Variants in SCN8A observed in about 807,000 individuals in gnomAD.
SCN8A encodes sodium channel protein type 8 subunit alpha.
SCN8A carries 30 observed loss-of-function variants against 184.1 expected under a neutral mutation model. That is an observed-to-expected ratio of 0.16 (90% CI 0.12 to 0.22). The LOEUF is 0.22. Among genes scored for constraint, SCN8A ranks in the 10% least tolerant of loss-of-function variants. SCN8A has a pLI of 1.00. For missense variants in SCN8A, 1,057 were observed against 2,498.9 expected, an observed-to-expected ratio of 0.42 and a Z score of 12.30; for synonymous variants, 852 against 907.0, an observed-to-expected ratio of 0.94 and a Z score of 1.09.
At chr12:51,687,936 G>A (rs1363133371) in intron 5 of SCN8A, among the ~76,000 whole-genome samples, 1 of 152,184 alleles carries the variant, frequency 6.6e-6, no homozygotes, top group African/African-American at 2.4e-5. Context: ...TATAGGTTTT[G>A]CATGTATGCA....
chr12:51,598,916 A>C (rs1029859423), intron 1 of SCN8A, among the ~76,000 whole-genome samples: 1 of 152,196 alleles, frequency 6.6e-6, no homozygotes, highest in Admixed American at 6.5e-5. Flanking sequence ...TAAGAAATAC[A>C]TAATGCCTCT....
intron 1 of SCN8A, among the ~76,000 whole-genome samples, chr12:51,601,547 T>G (rs1361441116): frequency 6.6e-6 from 1 of 152,040 alleles, no homozygotes; most frequent in African/African-American, 2.4e-5. Context: ...TAGAAATTGC[T>G]CAAAAGCTTT....
chr12:51,715,366 T>C lies in SCN8A; in HGVS notation c.1636-6180T>C, dbSNP rs73297682. ...GATGTATTAGATCTCATGTAGTATA[T>C]GATATTTCCTCCTGGCCTCCAAGTT... On this transcript the variant is annotated intron_variant, in intron 11 of 26. Coordinates refer to ENST00000627620, the MANE Select transcript of SCN8A (RefSeq NM_001330260.2). Among the ~76,000 whole-genome samples the C allele has an allele frequency of 6.5e-3, 983 of 152,292 alleles. 12 individuals carry two copies. The highest frequency in any genetic ancestry group is 0.023 in the African/African-American group (944 of 41,548).
Position 51,672,539 on chromosome 12 carries a change from A to G in SCN8A, c.276+9446A>G, listed in dbSNP as rs368581777. On this transcript the variant is annotated intron_variant, in intron 2 of 26. Coordinates refer to ENST00000627620, the MANE Select transcript of SCN8A (RefSeq NM_001330260.2). Reference sequence around the variant, plus strand: ...TCAGTTCTTGGCCCATGTTCCTCTCAGTTGGCACATTCTCCCTGGATGATC... The same window carrying G: ...TCAGTTCTTGGCCCATGTTCCTCTCGGTTGGCACATTCTCCCTGGATGATC... 3.9e-5 allele frequency among the ~76,000 whole-genome samples: 6 copies of G among 152,098 alleles called. No homozygotes were observed. The South Asian group carries it at 6.2e-4, about 16-fold the overall frequency.
At chr12:51,645,337 GT>G (rs1372495437) in intron 1 of SCN8A, among the ~76,000 whole-genome samples, 5 of 149,990 alleles carry the variant, frequency 3.3e-5, no homozygotes, top group East Asian at 2.0e-4. Flanking sequence ...AGGTGGGGGG[GT>G]TCAGCCCCCC....
chr12:51,805,431 AAAAT>A (rs1410972302), intron 26 of SCN8A, among the ~76,000 whole-genome samples: 18 of 152,062 alleles, frequency 1.2e-4, no homozygotes, highest in Admixed American at 2.6e-4. Context: ...CAAAATATTT[AAAAT>A]AAATAAATAA....
At chr12:51,730,460 C>T (rs746080390) in intron 12 of SCN8A, among the ~76,000 whole-genome samples, 3 of 151,662 alleles carry the variant, frequency 2.0e-5, no homozygotes, top group African/African-American at 2.4e-5. Context: ...TAGTATAAGC[C>T]CTAAGAACAA....
chr12:51,742,608 T>C (rs1485275852), intron 12 of SCN8A, among the ~76,000 whole-genome samples: 1 of 151,988 alleles, frequency 6.6e-6, no homozygotes, highest in Non-Finnish European at 1.5e-5. Flanking sequence ...TCTTTTCTCT[T>C]GCTGCTTTTA....
At chr12:51,750,559 A>G (rs1373004682) in intron 13 of SCN8A, among the ~76,000 whole-genome samples, 1 of 152,168 alleles carries the variant, frequency 6.6e-6, no homozygotes, top group African/African-American at 2.4e-5. Flanking sequence ...AAGGGTGGAG[A>G]CAGTAACTTG....
intron 2 of SCN8A, among the ~76,000 whole-genome samples, chr12:51,674,560 C>T (rs1258999025): frequency 6.6e-6 from 1 of 152,100 alleles, no homozygotes; most frequent in Non-Finnish European, 1.5e-5. Context: ...GTCTTGAGCT[C>T]CTGACCTCAG....
At chr12:51,708,923 A>G (rs1345577594) in intron 11 of SCN8A, among the ~76,000 whole-genome samples, 4 of 152,214 alleles carry the variant, frequency 2.6e-5, no homozygotes, top group Non-Finnish European at 5.9e-5. Context: ...TCCCTACCCT[A>G]GAGAGCTTAC....
At chr12:51,646,242 T>A (rs1405917365) in intron 1 of SCN8A, among the ~76,000 whole-genome samples, 1 of 152,192 alleles carries the variant, frequency 6.6e-6, no homozygotes, top group Non-Finnish European at 1.5e-5. Flanking sequence ...ACGGTTGCTA[T>A]GGTAACTATA....
At chr12:51,675,476 C>T (rs1042343064) in intron 2 of SCN8A, among the ~76,000 whole-genome samples, 6 of 152,152 alleles carry the variant, frequency 3.9e-5, no homozygotes, top group South Asian at 2.1e-4. Context: ...TAGGGGGTTC[C>T]GTTTTGCAAC....
intron 2 of SCN8A, among the ~76,000 whole-genome samples, chr12:51,667,425 A>G (rs780350889): frequency 6.6e-6 from 1 of 151,812 alleles, no homozygotes; most frequent in Non-Finnish European, 1.5e-5. Flanking sequence ...CAGTGATGCA[A>G]TCATAGGTCA....
At chr12:51,780,902 C>T in intron 21 of SCN8A, 131 bp downstream of exon 21, 2 of 1,152,360 alleles carry the variant, frequency 1.7e-6, no homozygotes, top group East Asian at 3.5e-5. Flanking sequence ...TGATCCTCCA[C>T]TCTCTCCCCC....
At chr12:51,733,405 A>G (rs891854060) in intron 12 of SCN8A, among the ~76,000 whole-genome samples, 5 of 152,212 alleles carry the variant, frequency 3.3e-5, no homozygotes, top group Admixed American at 6.5e-5. Flanking sequence ...AGATAAATCC[A>G]ACTTGGTAAT....
chr12:51,696,140 G>A (rs1344986183), intron 6 of SCN8A, among the ~76,000 whole-genome samples: 2 of 152,190 alleles, frequency 1.3e-5, no homozygotes, highest in African/African-American at 4.8e-5. Context: ...CAGTAAAATA[G>A]CAATGGTAAA....
At chr12:51,657,382 A>G (rs1940842777) in intron 1 of SCN8A, among the ~76,000 whole-genome samples, 1 of 152,064 alleles carries the variant, frequency 6.6e-6, no homozygotes, top group Admixed American at 6.6e-5. Context: ...CCCTGATGAT[A>G]AGTGATGAGC....
In SCN8A at chr12:51,796,074, T is replaced by C. The variant is rs1328373177; in HGVS notation, c.4795+1433T>C. Among the ~76,000 whole-genome samples the C allele has an allele frequency of 5.8e-4, 65 of 112,000 alleles. No homozygotes were observed. In the Admixed American group the frequency reaches 6.7e-3, roughly 12 times the overall value. The allele number at this position is 112,000 out of a possible 152,430, so 73.5% of individuals were successfully genotyped here. A position where few individuals can be genotyped will look rare whatever the true frequency, so the allele number is the denominator to read the frequency against. On this transcript the variant is annotated intron_variant, in intron 26 of 26. Transcript: ENST00000627620. Reference sequence around the variant, plus strand: ...TAAAGAATTCTGTTTAAATGTAACATAGCATCCCACCTTTATTAGACCAGT... The same window carrying C: ...TAAAGAATTCTGTTTAAATGTAACACAGCATCCCACCTTTATTAGACCAGT...
Sources: gnomAD v4.1 joint callset for allele counts (sites outside exome capture counted in the v4.1 genomes callset) on GRCh38, gnomAD v4.1.1 for gene constraint, MANE v1.5 for transcripts, NCBI Gene and HGNC (gene_info 2026-07-23, HGNC 2026-07-21) for gene names.